Variants in SNX9 observed in about 807,000 individuals in gnomAD.
SNX9 encodes the protein sorting nexin 9.
A neutral mutation model predicts 89.4 loss-of-function variants in SNX9; 44 were observed. The ratio of observed to expected loss-of-function variants is 0.49; its 90% CI spans 0.39 to 0.63. The LOEUF (loss-of-function observed/expected upper bound fraction) is 0.63. Ranked by LOEUF, SNX9 falls within the 30% of genes least tolerant of loss-of-function variation. The pLI is 0.00. For synonymous variants in SNX9, 236 were observed against 247.8 expected, an observed-to-expected ratio of 0.95 and a Z score of 0.45; for missense variants, 578 against 736.1, an observed-to-expected ratio of 0.79 and a Z score of 2.49.
Position 157,909,788 on chromosome 6 carries a change from A to G in SNX9, c.829A>G (p.Thr277Ala). 1 of 1,613,970 alleles carries G rather than the reference A, an allele frequency of 6.2e-7. No homozygotes were observed. Among genetic ancestry groups the G allele is most frequent in the Non-Finnish European group, 8.5e-7 (1 of 1,179,974 alleles). Residue 277 changes from threonine to alanine, a missense_variant and splice_region_variant, in exon 8 of 18, where the codon ACT (threonine) becomes GCT (alanine). Coordinates refer to ENST00000392185, the MANE Select transcript of SNX9 (RefSeq NM_016224.5). Reference sequence around the variant, plus strand: ...CTACATCGAATATCAGCTAACACCTACTGTAAGTATCCACGTTATCAAAAG... The same window carrying G: ...CTACATCGAATATCAGCTAACACCTGCTGTAAGTATCCACGTTATCAAAAG... ...KSYIEYQLTP[T>A]NTNRSVNHRY... is the part of the protein sequence containing the mutation.
intron 1 of SNX9, among the ~76,000 whole-genome samples, chr6:157,859,566 G>T (rs1782077415): frequency 6.6e-6 from 1 of 152,154 alleles, no homozygotes; most frequent in South Asian, 2.1e-4. Context: ...GATTTATTCT[G>T]TTTGTGAAGC....
intron 2 of SNX9, among the ~76,000 whole-genome samples, chr6:157,870,047 C>G (rs1782361928): frequency 6.6e-6 from 1 of 151,530 alleles, no homozygotes; most frequent in Non-Finnish European, 1.5e-5. Context: ...GCAGCACTCA[C>G]ACGTGTGAGC....
chr6:157,940,638 G>T (rs1351566704), intron 16 of SNX9, among the ~76,000 whole-genome samples: 1 of 152,182 alleles, frequency 6.6e-6, no homozygotes, highest in African/African-American at 2.4e-5. Flanking sequence ...GGCTGGTCTT[G>T]AACTCCTGAC....
intron 5 of SNX9, among the ~76,000 whole-genome samples, chr6:157,901,660 C>CT (rs1783099940): frequency 6.6e-6 from 1 of 151,948 alleles, no homozygotes; most frequent in Admixed American, 6.6e-5. Context: ...TGATAGCCCT[C>CT]TTTAAGTTGC....
intron 10 of SNX9, among the ~76,000 whole-genome samples, chr6:157,924,857 A>G (rs1300382156): frequency 6.6e-6 from 1 of 152,208 alleles, no homozygotes; most frequent in Non-Finnish European, 1.5e-5. Context: ...CTTCTTTTGT[A>G]TATGTTTGAA....
chr6:157,831,729 A>C (rs554262987), intron 1 of SNX9, among the ~76,000 whole-genome samples: 1 of 152,300 alleles, frequency 6.6e-6, no homozygotes, highest in South Asian at 2.1e-4. Context: ...GTGCTAACTC[A>C]GCAGTGTGTT....
chr6:157,927,718 C>CTTTTTTTTTTTT (rs761592456), intron 11 of SNX9, among the ~76,000 whole-genome samples: 2 of 98,762 alleles, frequency 2.0e-5, no homozygotes, highest in African/African-American at 8.8e-5. Flanking sequence ...TAATTTTAAG[C>CTTTTTTTTTTTT]TTTTTTTTTT....
At chr6:157,857,299 A>G (rs1782031643) in intron 1 of SNX9, among the ~76,000 whole-genome samples, 1 of 152,142 alleles carries the variant, frequency 6.6e-6, no homozygotes, top group South Asian at 2.1e-4. Context: ...TCTGATAGGA[A>G]AAGATGTTCC....
chr6:157,834,521 AT>A (rs71027370), intron 1 of SNX9, among the ~76,000 whole-genome samples: 3 of 149,658 alleles, frequency 2.0e-5, no homozygotes, highest in South Asian at 4.2e-4. Context: ...AATTTTTTAA[AT>A]TTTTTTTTCT....
intron 1 of SNX9, among the ~76,000 whole-genome samples, chr6:157,846,868 G>A (rs1198504709): frequency 2.0e-5 from 3 of 152,056 alleles, no homozygotes; most frequent in African/African-American, 2.4e-5. Flanking sequence ...CCAACGTGGC[G>A]AAACCTCATC....
At chr6:157,921,705 G>A (rs751834201) in intron 10 of SNX9, 44 bp downstream of exon 10, 6 of 1,578,830 alleles carry the variant, frequency 3.8e-6, no homozygotes, top group Non-Finnish European at 3.5e-6. Context: ...ATTGAGAGTT[G>A]TCTCATTCAC....
At chr6:157,918,876 T>G (rs1418555961) in intron 9 of SNX9, among the ~76,000 whole-genome samples, 3 of 151,982 alleles carry the variant, frequency 2.0e-5, no homozygotes, top group Non-Finnish European at 4.4e-5. Context: ...CTTTATTCCC[T>G]TCCCTCATTT....
intron 1 of SNX9, among the ~76,000 whole-genome samples, chr6:157,848,756 G>A (rs1562593459): frequency 6.6e-6 from 1 of 152,214 alleles, no homozygotes; most frequent in Non-Finnish European, 1.5e-5. Context: ...ATGTCCACAA[G>A]CAACGATAGT....
intron 1 of SNX9, among the ~76,000 whole-genome samples, chr6:157,834,026 G>T (rs956770766): frequency 6.6e-6 from 1 of 152,034 alleles, no homozygotes; most frequent in African/African-American, 2.4e-5. Flanking sequence ...GTAATGAGGC[G>T]TGATCTGATT....
chr6:157,875,181 G>C lies in SNX9; in HGVS notation c.300+5G>C. On this transcript the variant is annotated splice_donor_5th_base_variant and intron_variant, in intron 4 of 17. Coordinates refer to ENST00000392185, the MANE Select transcript of SNX9 (RefSeq NM_016224.5). ...GCTGCCAGCAACAATCACCAGGTAC[G>C]TCTCACTTCCTCCTTCTGGATGTGG... The C allele has an allele frequency of 6.2e-7, 1 of 1,605,320 alleles. No individual in the cohort carries two copies. The highest frequency in any genetic ancestry group is 1.1e-5 in the South Asian group (1 of 89,242).
At chr6:157,913,573 A>G (rs1042185817) in intron 9 of SNX9, among the ~76,000 whole-genome samples, 3 of 152,194 alleles carry the variant, frequency 2.0e-5, no homozygotes, top group African/African-American at 7.2e-5. Flanking sequence ...GAGTTTTGAC[A>G]GCTACCACTG....
chr6:157,834,282 C>G (rs1781536949), intron 1 of SNX9, among the ~76,000 whole-genome samples: 2 of 149,000 alleles, frequency 1.3e-5, no homozygotes, highest in South Asian at 2.2e-4. Flanking sequence ...ATCCTCTCAC[C>G]TCAACATCCT....
chr6:157,846,863 G>A (rs1017489149), intron 1 of SNX9, among the ~76,000 whole-genome samples: 16 of 152,062 alleles, frequency 1.1e-4, no homozygotes, highest in South Asian at 4.2e-4. Context: ...CCTAGCCAAC[G>A]TGGCGAAACC....
chr6:157,867,162 A>C (rs1782280885), intron 1 of SNX9, among the ~76,000 whole-genome samples: 1 of 152,154 alleles, frequency 6.6e-6, no homozygotes, highest in Non-Finnish European at 1.5e-5. Context: ...TTTGTTGCTC[A>C]GGCTGGTCTC....
Sources: allele counts gnomAD v4.1 joint callset (sites outside exome capture counted in the v4.1 genomes callset), GRCh38; gene constraint gnomAD v4.1.1; transcripts MANE v1.5; gene names NCBI Gene and HGNC (gene_info 2026-07-23, HGNC 2026-07-21).